The following KYNU variants were observed in gnomAD, a reference collection of about 807,000 sequenced individuals.
The protein encoded by KYNU is L-kynurenine hydrolase.
A neutral mutation model predicts 59.2 loss-of-function variants in KYNU; 54 were observed. That is an observed-to-expected ratio of 0.91 (90% CI 0.73 to 1.14). KYNU has a LOEUF of 1.14. Among genes scored for constraint, KYNU ranks in the 50% most tolerant of loss-of-function variants. The pLI, the probability that KYNU is intolerant of heterozygous loss-of-function variation, is 0.00. For synonymous variants in KYNU, 177 were observed against 192.0 expected, an observed-to-expected ratio of 0.92 and a Z score of 0.65; for missense variants, 567 against 554.4, an observed-to-expected ratio of 1.02 and a Z score of -0.23.
chr2:142,959,479 A>T (rs748784680), intron 7 of KYNU, among the ~76,000 whole-genome samples: 15 of 152,024 alleles, frequency 9.9e-5, no homozygotes, highest in Non-Finnish European at 1.9e-4. Flanking sequence ...CCAGCTACTC[A>T]GGAGGCTGAG....
At position 143,046,810 on chromosome 2, in the gene KYNU, T is replaced by C. The variant is rs1237060912; in HGVS notation, c.*4638T>C. 1 of 152,122 alleles carries C rather than the reference T, an allele frequency of 6.6e-6. No homozygotes were observed. Among genetic ancestry groups the C allele is most frequent in the Non-Finnish European group, 1.5e-5 (1 of 68,020 alleles). 9.4% of individuals were successfully genotyped at this position (152,122 alleles called of 1,614,324 possible). ...ATATTTTTGAATACATCTAAATAAA[T>C]TTAGAATAAATCTATTGTGTTCCAT... On this transcript the variant is annotated 3_prime_UTR_variant, in exon 14 of 14. Transcript: ENST00000264170.
Position 143,044,639 on chromosome 2 carries a change from A to G in KYNU, c.*2467A>G, listed in dbSNP as rs1210249407. 1 of 151,934 alleles carries G rather than the reference A, an allele frequency of 6.6e-6. No individual in the cohort carries two copies. The highest frequency in any genetic ancestry group is 2.4e-5 in the African/African-American group (1 of 41,342). The allele number at this position is 151,934 out of a possible 1,614,324, so 9.4% of individuals were successfully genotyped here. ...GGCCGCATAAATGTCTTCTTTTGAG[A>G]AGTGTCTGTTCGTATCCTTCACCCA... On this transcript the variant is annotated 3_prime_UTR_variant, in exon 14 of 14. Coordinates refer to ENST00000264170, the MANE Select transcript of KYNU (RefSeq NM_003937.3).
chr2:142,934,799 G>A (rs1683331402), intron 4 of KYNU, among the ~76,000 whole-genome samples: 1 of 152,204 alleles, frequency 6.6e-6, no homozygotes, highest in African/African-American at 2.4e-5. Flanking sequence ...GCCAGCTTCG[G>A]AAGGGATGGG....
Position 142,936,185 on chromosome 2 carries a change from C to T in KYNU, c.373+8444C>T, listed in dbSNP as rs141185563. The stretch of plus-strand genomic sequence containing the variant: ...ACAGGTAAACAAGAATTGTAGAGGT[C>T]GGGCTGTGATCTGAGTGCAAAAAAC... On this transcript the variant is annotated intron_variant, in intron 4 of 13. Coordinates refer to ENST00000264170, the MANE Select transcript of KYNU (RefSeq NM_003937.3). 8.0e-3 allele frequency among the ~76,000 whole-genome samples: 1,211 copies of T among 152,140 alleles called. 10 individuals carry two copies. The highest frequency in any genetic ancestry group is 0.02 in the Middle Eastern group (6 of 294).
rs1175420896 is a variant in KYNU at position 143,045,388 on chromosome 2, T to G, written c.*3216T>G. 6.6e-6 allele frequency: 1 copy of G among 152,170 alleles called. No homozygotes were observed. Among genetic ancestry groups the G allele is most frequent in the Non-Finnish European group, 1.5e-5 (1 of 68,028 alleles). 9.4% of individuals were successfully genotyped at this position (152,170 alleles called of 1,614,324 possible). ...GTGAAGAAAGACAATGGTAGCTTGATGGAAATAGCATTGAATCTATAAATT... is the reference window on the plus strand; with the variant it reads ...GTGAAGAAAGACAATGGTAGCTTGAGGGAAATAGCATTGAATCTATAAATT... On this transcript the variant is annotated 3_prime_UTR_variant, in exon 14 of 14. Transcript: ENST00000264170.
Position 143,050,310 on chromosome 2 carries a change from A to G in KYNU, c.*8138A>G, listed in dbSNP as rs1277508651. 1.3e-5 allele frequency: 2 copies of G among 148,476 alleles called. No homozygotes were observed. The highest frequency in any genetic ancestry group is 3.0e-5 in the Non-Finnish European group (2 of 66,998). The allele number at this position is 148,476 out of a possible 1,614,324, so 9.2% of individuals were successfully genotyped here. On this transcript the variant is annotated 3_prime_UTR_variant, in exon 14 of 14. Coordinates refer to ENST00000264170, the MANE Select transcript of KYNU (RefSeq NM_003937.3). The stretch of plus-strand genomic sequence containing the variant: ...TCTAAGTTCCCTCCCCTCACCTCCC[A>G]CCCCCCAGCAGGCCCTGGTGTGTGT...
At chr2:143,007,607 A>G (rs1685955568) in intron 10 of KYNU, among the ~76,000 whole-genome samples, 1 of 113,830 alleles carries the variant, frequency 8.8e-6, no homozygotes, top group South Asian at 3.2e-4. Flanking sequence ...CATAATTGTC[A>G]GATTCACCAA....
chr2:142,913,691 G>T (rs351704), intron 2 of KYNU, among the ~76,000 whole-genome samples: 4,015 of 152,290 alleles, frequency 0.026, 175 homozygotes, highest in Admixed American at 0.11. Flanking sequence ...GGAATGTTTT[G>T]TAGATGTCTA....
At chr2:142,946,744 A>G (rs1264573664) in intron 4 of KYNU, among the ~76,000 whole-genome samples, 2 of 152,186 alleles carry the variant, frequency 1.3e-5, no homozygotes, top group Non-Finnish European at 2.9e-5. Flanking sequence ...GTCATTAGCT[A>G]TGTTAATCCT....
rs141389671 is a variant in KYNU at position 143,042,879 on chromosome 2, C to T, written c.*707C>T. On this transcript the variant is annotated 3_prime_UTR_variant, in exon 14 of 14. Coordinates refer to ENST00000264170, the MANE Select transcript of KYNU (RefSeq NM_003937.3). ...TACAGTCACCATTGGCCATCTTTCT[C>T]GTTACCATCTATGAAATTAGCATGC... The T allele has an allele frequency of 4.6e-5, 7 of 151,682 alleles. No homozygotes were observed. In the East Asian group the frequency reaches 1.2e-3, roughly 25 times the overall value. 9.4% of individuals were successfully genotyped at this position (151,682 alleles called of 1,614,324 possible).
chr2:142,962,094 C>T (rs1419999787), intron 8 of KYNU, among the ~76,000 whole-genome samples: 1 of 152,082 alleles, frequency 6.6e-6, no homozygotes, highest in Non-Finnish European at 1.5e-5. Flanking sequence ...AAATGTTAAG[C>T]ACCAAAATAA....
chr2:142,907,150 AGCTCCCAAGATGATGGTGGGCT>A (rs1288483299), intron 2 of KYNU, among the ~76,000 whole-genome samples: 1 of 152,134 alleles, frequency 6.6e-6, no homozygotes, highest in Non-Finnish European at 1.5e-5. Context: ...TTGTTCTTAG[AGCTCCCAAGATGATGGTGGGCT>A]GCTCCCAAGA....
In KYNU at chr2:143,047,460, T is replaced by C. The variant is rs1057498905; in HGVS notation, c.*5288T>C. 33 of 152,190 alleles carry C rather than the reference T, an allele frequency of 2.2e-4. No homozygotes were observed. Among genetic ancestry groups the C allele is most frequent in the Admixed American group, 1.7e-3 (26 of 15,266 alleles). The allele number at this position is 152,190 out of a possible 1,614,324, so 9.4% of individuals were successfully genotyped here. On this transcript the variant is annotated 3_prime_UTR_variant, in exon 14 of 14. Coordinates refer to ENST00000264170, the MANE Select transcript of KYNU (RefSeq NM_003937.3). ...ATTCAATTGGTATCTATTTTTAATA[T>C]GGGAAATTTTATGCAAATGAGCACA...
chr2:142,918,636 A>G lies in KYNU; in HGVS notation c.197A>G (p.Glu66Gly), dbSNP rs910841644. 3.1e-6 allele frequency: 5 copies of G among 1,607,118 alleles called. No individual in the cohort carries two copies. The African/African-American group carries it at 6.7e-5, about 22-fold the overall frequency. The change falls in exon 3 of 14, where the codon GAA (glutamate) becomes GGA (glycine). Residue 66 changes from glutamate (E) to glycine (G), a missense_variant. By Grantham distance (98) the Glu-to-Gly change is moderately conservative (BLOSUM62 -2). Coordinates refer to ENST00000264170, the MANE Select transcript of KYNU (RefSeq NM_003937.3). ...GATTTATCATTAGTGAATAAAGATG[A>G]AAATGCCATCTATTTCTTGGGAAAT... ...PVDLSLVNKD[E>G]NAIYFLGNSL...
intron 2 of KYNU, among the ~76,000 whole-genome samples, chr2:142,901,655 G>C (rs1480746308): frequency 1.3e-5 from 2 of 152,008 alleles, no homozygotes. Flanking sequence ...TAGAGGACTA[G>C]GTAAGAATAC....
intron 3 of KYNU, among the ~76,000 whole-genome samples, chr2:142,922,351 G>T (rs1272497247): frequency 2.0e-5 from 3 of 151,980 alleles, no homozygotes; most frequent in African/African-American, 4.8e-5. Context: ...ATATACAAAA[G>T]AAATTTAGCT....
intron 2 of KYNU, among the ~76,000 whole-genome samples, chr2:142,910,005 G>A (rs1229663338): frequency 6.6e-6 from 1 of 152,074 alleles, no homozygotes; most frequent in Admixed American, 6.5e-5. Flanking sequence ...TGACTGGTGT[G>A]AGATGGTATC....
At chr2:142,945,579 A>G (rs1414045211) in intron 4 of KYNU, among the ~76,000 whole-genome samples, 1 of 152,004 alleles carries the variant, frequency 6.6e-6, no homozygotes, top group Non-Finnish European at 1.5e-5. Flanking sequence ...GTTCCTGTTC[A>G]TGTTGATATT....
At chr2:142,937,538 A>G (rs542281043) in intron 4 of KYNU, among the ~76,000 whole-genome samples, 1 of 151,174 alleles carries the variant, frequency 6.6e-6, no homozygotes, top group East Asian at 1.9e-4. Context: ...TTAATTGAGC[A>G]AAGAACAAAT....
Sources: allele counts gnomAD v4.1 joint callset (sites outside exome capture counted in the v4.1 genomes callset), GRCh38; gene constraint gnomAD v4.1.1; transcripts MANE v1.5; gene names NCBI Gene and HGNC (gene_info 2026-07-23, HGNC 2026-07-21).